Variants in CACNA2D3 observed in about 807,000 individuals in gnomAD.
CACNA2D3 encodes calcium voltage-gated channel auxiliary subunit alpha2delta 3.
Under a neutral mutation model 160.6 loss-of-function variants are expected in CACNA2D3, and 60 were observed. The ratio of observed to expected loss-of-function variants is 0.37; its 90% CI spans 0.30 to 0.46. The LOEUF is 0.46. CACNA2D3 is among the 20% of genes least tolerant of loss of function. The pLI is 1.00. For synonymous variants in CACNA2D3, 558 were observed against 492.9 expected (o/e 1.13, Z -1.75); for missense variants, 1,205 against 1,365.0 (o/e 0.88, Z 1.85).
At chr3:54,157,035 A>G (rs765865019) in intron 2 of CACNA2D3, among the ~76,000 whole-genome samples, 2 of 152,250 alleles carry the variant, frequency 1.3e-5, no homozygotes, top group South Asian at 4.1e-4. Context: ...TTAAGCAACT[A>G]GAAATGTATT....
intron 27 of CACNA2D3, among the ~76,000 whole-genome samples, chr3:54,946,800 A>T (rs759038563): frequency 1.5e-4 from 23 of 149,654 alleles, no homozygotes; most frequent in Non-Finnish European, 2.8e-4. Flanking sequence ...ACAACTTTGG[A>T]AGTAGATGTG....
At chr3:54,953,990 C>G (rs898109606) in intron 27 of CACNA2D3, among the ~76,000 whole-genome samples, 5 of 152,192 alleles carry the variant, frequency 3.3e-5, no homozygotes, top group Admixed American at 6.5e-5. Context: ...TCAGGAGTGC[C>G]ATCCATGCAG....
intron 13 of CACNA2D3, among the ~76,000 whole-genome samples, chr3:54,800,755 G>A (rs1325521791): frequency 6.6e-6 from 1 of 152,130 alleles, no homozygotes; most frequent in East Asian, 1.9e-4. Context: ...AAAAACTCCA[G>A]ATCTTTTCAT....
At chr3:54,741,259 C>A (rs1701642104) in intron 11 of CACNA2D3, among the ~76,000 whole-genome samples, 1 of 152,176 alleles carries the variant, frequency 6.6e-6, no homozygotes, top group Non-Finnish European at 1.5e-5. Flanking sequence ...CCCTGTTTCT[C>A]TGTTCTATTT....
intron 13 of CACNA2D3, among the ~76,000 whole-genome samples, chr3:54,771,163 C>G (rs527357211): frequency 3.9e-5 from 6 of 152,228 alleles, no homozygotes; most frequent in Non-Finnish European, 7.4e-5. Flanking sequence ...CAGATCTTTC[C>G]AGACACAGAG....
intron 2 of CACNA2D3, among the ~76,000 whole-genome samples, chr3:54,219,193 T>C (rs1462895440): frequency 6.6e-6 from 1 of 152,196 alleles, no homozygotes; most frequent in Non-Finnish European, 1.5e-5. Context: ...CAAGAGCTGA[T>C]TGTGCTTATC....
At chr3:54,399,823 C>T (rs1159571026) in intron 4 of CACNA2D3, among the ~76,000 whole-genome samples, 1 of 121,302 alleles carries the variant, frequency 8.2e-6, no homozygotes, top group Non-Finnish European at 1.7e-5. Flanking sequence ...AGGCAGGCCT[C>T]CTTGAGCTGT....
chr3:54,742,733 A>G (rs1294170094), intron 11 of CACNA2D3, among the ~76,000 whole-genome samples: 2 of 152,212 alleles, frequency 1.3e-5, no homozygotes, highest in Admixed American at 6.5e-5. Flanking sequence ...GCAGTTATTT[A>G]AAATACAATT....
chr3:54,642,036 TTCCTTAG>T, intron 10 of CACNA2D3, 85 bp from the exon 11 acceptor site: 1 of 713,526 alleles, frequency 1.4e-6, no homozygotes, highest in East Asian at 3.0e-5. Context: ...TTTAAAAGGC[TTCCTTAG>T]TCCCAGGTCT....
intron 13 of CACNA2D3, among the ~76,000 whole-genome samples, chr3:54,789,209 G>A (rs1457228101): frequency 6.6e-6 from 1 of 152,072 alleles, no homozygotes; most frequent in Admixed American, 6.6e-5. Context: ...CCTATTTTCA[G>A]ATGATAAAAC....
At chr3:54,419,699 C>T (rs952484382) in intron 4 of CACNA2D3, among the ~76,000 whole-genome samples, 3 of 152,188 alleles carry the variant, frequency 2.0e-5, no homozygotes, top group Non-Finnish European at 4.4e-5. Context: ...TCCAGGAGCA[C>T]CTCCATGCTC....
At chr3:54,646,918 C>T (rs1028867569) in intron 11 of CACNA2D3, among the ~76,000 whole-genome samples, 1 of 152,146 alleles carries the variant, frequency 6.6e-6, no homozygotes, top group African/African-American at 2.4e-5. Context: ...GGACTGGACC[C>T]TCCACAAGGG....
chr3:54,884,256 T>C (rs796610314), intron 21 of CACNA2D3, among the ~76,000 whole-genome samples: 5 of 152,324 alleles, frequency 3.3e-5, no homozygotes, highest in African/African-American at 1.2e-4. Context: ...TATCTCATGG[T>C]AGATATAACT....
chr3:55,073,943 A>T, intron 37 of CACNA2D3, 84 bp downstream of exon 37: 1 of 1,223,262 alleles, frequency 8.2e-7, no homozygotes, highest in Non-Finnish European at 1.2e-6. Context: ...TACAGCTGAA[A>T]AGTTCACTCA....
chr3:54,879,499 C>A, intron 20 of CACNA2D3, 88 bp downstream of exon 20: 1 of 946,690 alleles, frequency 1.1e-6, no homozygotes, highest in South Asian at 1.5e-5. Flanking sequence ...AGCTCATCAT[C>A]TGAAGATAAC....
intron 6 of CACNA2D3, among the ~76,000 whole-genome samples, chr3:54,568,871 A>G (rs776984079): frequency 6.6e-6 from 1 of 152,220 alleles, no homozygotes. Flanking sequence ...GATGCCTGTT[A>G]TTAGCCCATT....
chr3:54,644,462 T>C (rs1699593390), intron 11 of CACNA2D3, among the ~76,000 whole-genome samples: 1 of 152,192 alleles, frequency 6.6e-6, no homozygotes, highest in South Asian at 2.1e-4. Flanking sequence ...GTGCAGGTAA[T>C]CAACTCGCAT....
intron 5 of CACNA2D3, among the ~76,000 whole-genome samples, chr3:54,516,627 G>C (rs933765652): frequency 3.9e-5 from 6 of 152,136 alleles, no homozygotes; most frequent in African/African-American, 1.4e-4. Context: ...TTTCAGACTG[G>C]AGTGAAAAGT....
At chr3:54,567,024 G>T (rs1303955971) in intron 6 of CACNA2D3, among the ~76,000 whole-genome samples, 1 of 152,132 alleles carries the variant, frequency 6.6e-6, no homozygotes, top group Non-Finnish European at 1.5e-5. Context: ...TTCTTCCTTG[G>T]CTAGCTCAAC....
Sources: gnomAD v4.1 joint callset for allele counts (sites outside exome capture counted in the v4.1 genomes callset) on GRCh38, gnomAD v4.1.1 for gene constraint, MANE v1.5 for transcripts, NCBI Gene and HGNC (gene_info 2026-07-23, HGNC 2026-07-21) for gene names.